The following ZNF385D variants were observed in gnomAD, a reference collection of about 807,000 sequenced individuals.
The protein encoded by ZNF385D is zinc finger protein 385D.
A neutral mutation model predicts 35.8 loss-of-function variants in ZNF385D; 15 were observed. The observed-to-expected ratio is 0.42, with a 90% CI of 0.28 to 0.64. ZNF385D has a LOEUF of 0.64. ZNF385D is among the 30% of genes least tolerant of loss of function. ZNF385D has a pLI of 0.23. For synonymous variants in ZNF385D, 212 were observed against 186.8 expected, an observed-to-expected ratio of 1.13 and a Z score of -1.10; for missense variants, 474 against 494.6, an observed-to-expected ratio of 0.96 and a Z score of 0.39.
intron 3 of ZNF385D, among the ~76,000 whole-genome samples, chr3:21,821,294 A>G (rs1212627523): frequency 1.3e-5 from 2 of 152,180 alleles, no homozygotes; most frequent in African/African-American, 4.8e-5. Context: ...AAATGTAAAT[A>G]GTCATAAATA....
intron 3 of ZNF385D, among the ~76,000 whole-genome samples, chr3:21,521,802 A>G (rs1707925466): frequency 6.6e-6 from 1 of 152,186 alleles, no homozygotes; most frequent in African/African-American, 2.4e-5. Context: ...GCAAAGTAAT[A>G]TAAATTTGTA....
intron 2 of ZNF385D, among the ~76,000 whole-genome samples, chr3:22,339,843 G>A (rs538671111): frequency 3.3e-5 from 5 of 152,026 alleles, no homozygotes; most frequent in South Asian, 2.1e-4. Context: ...GATACTGATC[G>A]ACATCCGCTT....
chr3:22,328,706 T>G (rs752757780), intron 2 of ZNF385D, among the ~76,000 whole-genome samples: 382 of 151,434 alleles, frequency 2.5e-3, no homozygotes, highest in Middle Eastern at 6.8e-3. Flanking sequence ...GAGGTTGCAG[T>G]GAGCCAGATT....
intron 3 of ZNF385D, among the ~76,000 whole-genome samples, chr3:22,133,332 G>C (rs1402535895): frequency 2.0e-5 from 3 of 151,978 alleles, no homozygotes; most frequent in Non-Finnish European, 2.9e-5. Flanking sequence ...AGATTATGCA[G>C]TAGAATACTG....
At chr3:22,138,755 G>A (rs895751009) in intron 3 of ZNF385D, among the ~76,000 whole-genome samples, 2 of 152,076 alleles carry the variant, frequency 1.3e-5, no homozygotes, top group Non-Finnish European at 2.9e-5. Flanking sequence ...ACATAGGCAT[G>A]GGCAAGGACT....
chr3:21,865,476 T>C (rs912238362), intron 3 of ZNF385D, among the ~76,000 whole-genome samples: 2 of 152,260 alleles, frequency 1.3e-5, no homozygotes, highest in Non-Finnish European at 2.9e-5. Flanking sequence ...GGATAGAGTA[T>C]GTTTATCACC....
At chr3:22,087,428 T>C (rs1212322901) in intron 3 of ZNF385D, among the ~76,000 whole-genome samples, 1 of 152,168 alleles carries the variant, frequency 6.6e-6, no homozygotes, top group African/African-American at 2.4e-5. Context: ...AAAGGGAGTA[T>C]ATGAAAATGA....
At chr3:21,619,821 A>G (rs1037976964) in intron 2 of ZNF385D, among the ~76,000 whole-genome samples, 1 of 152,188 alleles carries the variant, frequency 6.6e-6, no homozygotes, top group Non-Finnish European at 1.5e-5. Context: ...TCTGGTAACT[A>G]TAATCCCTAG....
intron 3 of ZNF385D, among the ~76,000 whole-genome samples, chr3:21,948,956 G>A (rs599540): frequency 0.26 from 39,414 of 151,874 alleles, 5,832 homozygotes; most frequent in Admixed American, 0.41. Flanking sequence ...TGCCCTCCAG[G>A]AATGGTCTAT....
chr3:21,927,097 ATTG>A (rs1700766307), intron 3 of ZNF385D, among the ~76,000 whole-genome samples: 1 of 151,898 alleles, frequency 6.6e-6, no homozygotes, highest in Admixed American at 6.6e-5. Flanking sequence ...ATGATAGCTT[ATTG>A]TTTAAGAATC....
chr3:22,108,460 G>A (rs190948214), intron 3 of ZNF385D, among the ~76,000 whole-genome samples: 162 of 152,024 alleles, frequency 1.1e-3, no homozygotes, highest in African/African-American at 3.5e-3. Context: ...CTGATGACAG[G>A]GATTAAAAGA....
intron 1 of ZNF385D, among the ~76,000 whole-genome samples, chr3:21,717,975 G>A (rs2068389814): frequency 6.6e-6 from 1 of 152,178 alleles, no homozygotes; most frequent in South Asian, 2.1e-4. Context: ...TTAAAACACA[G>A]ACTGGTGAGT....
intron 2 of ZNF385D, among the ~76,000 whole-genome samples, chr3:21,622,179 T>C (rs995530822): frequency 6.6e-6 from 1 of 152,100 alleles, no homozygotes; most frequent in African/African-American, 2.4e-5. Flanking sequence ...AAAAGATGAA[T>C]CTATTTTAAT....
At chr3:22,164,087 G>C (rs1435954203) in intron 3 of ZNF385D, among the ~76,000 whole-genome samples, 1 of 152,000 alleles carries the variant, frequency 6.6e-6, no homozygotes, top group Non-Finnish European at 1.5e-5. Flanking sequence ...ATAGGTAAAA[G>C]AAATAATATG....
chr3:22,211,802 C>A (rs1442526278), intron 2 of ZNF385D, among the ~76,000 whole-genome samples: 1 of 151,922 alleles, frequency 6.6e-6, no homozygotes, highest in Admixed American at 6.6e-5. Context: ...TACTGAATTT[C>A]TTGTACTGCA....
chr3:21,940,446 T>G (rs535083043), intron 3 of ZNF385D, among the ~76,000 whole-genome samples: 74 of 152,316 alleles, frequency 4.9e-4, no homozygotes, highest in African/African-American at 1.8e-3. Context: ...TAAAGCACTA[T>G]TTTTTACAAC....
chr3:21,578,105 T>G (rs1268231134), intron 2 of ZNF385D, among the ~76,000 whole-genome samples: 1 of 152,152 alleles, frequency 6.6e-6, no homozygotes, highest in Non-Finnish European at 1.5e-5. Context: ...TGCAAGCCAC[T>G]GCACCCCACA....
intron 3 of ZNF385D, among the ~76,000 whole-genome samples, chr3:21,903,253 AG>A (rs1699504295): frequency 6.6e-6 from 1 of 152,170 alleles, no homozygotes; most frequent in South Asian, 2.1e-4. Flanking sequence ...AAAGAATTTC[AG>A]GAGGCATTTC....
chr3:21,761,988 C>T (rs2125587855), intron 3 of ZNF385D, among the ~76,000 whole-genome samples: 1 of 147,002 alleles, frequency 6.8e-6, no homozygotes, highest in South Asian at 2.2e-4. Context: ...AAGCAATTCT[C>T]CTGCCTCAGC....
Sources: allele counts gnomAD v4.1 joint callset (sites outside exome capture counted in the v4.1 genomes callset), GRCh38; gene constraint gnomAD v4.1.1; transcripts MANE v1.5; gene names NCBI Gene and HGNC (gene_info 2026-07-23, HGNC 2026-07-21).